Variants in TMC1 observed in about 807,000 individuals in gnomAD.
The protein encoded by TMC1 is transmembrane channel like 1.
TMC1 carries 84 observed loss-of-function variants against 105.8 expected under a neutral mutation model. The ratio of observed to expected loss-of-function variants is 0.79; its 90% confidence interval spans 0.67 to 0.95. TMC1 has a LOEUF of 0.95. Ranked by LOEUF, TMC1 falls within the 40% of genes least tolerant of loss-of-function variation. TMC1 has a pLI of 0.00. For missense variants in TMC1, 817 were observed against 914.1 expected, an observed-to-expected ratio of 0.89 and a Z score of 1.37; for synonymous variants, 315 against 311.5, an observed-to-expected ratio of 1.01 and a Z score of -0.12.
At chr9:72,738,062 A>G (rs771616044) in intron 8 of TMC1, among the ~76,000 whole-genome samples, 28 of 152,338 alleles carry the variant, frequency 1.8e-4, no homozygotes, top group Non-Finnish European at 3.2e-4. Context: ...ATCTACCCCA[A>G]ACTATGTCAA....
At position 72,659,613 on chromosome 9, in the gene TMC1, A is replaced by C. The variant is rs563759734; in HGVS notation, c.16+10949A>C. Among the ~76,000 whole-genome samples the C allele has an allele frequency of 2.0e-5, 3 of 152,328 alleles. No individual in the cohort carries two copies. In the South Asian group the frequency reaches 6.2e-4, roughly 32 times the overall value. On this transcript the variant is annotated intron_variant, in intron 5 of 23. Coordinates refer to ENST00000297784, the MANE Select transcript of TMC1 (RefSeq NM_138691.3). ...TGCACCACTGCACTCCCGCCTGGGC[A>C]ACAGAGCAAGACCCTGTGTGACCTT...
chr9:72,822,213 G>C (rs1828885972), intron 20 of TMC1, among the ~76,000 whole-genome samples: 1 of 152,132 alleles, frequency 6.6e-6, no homozygotes, highest in Non-Finnish European at 1.5e-5. Context: ...GCATGCACTT[G>C]AGCTGTTTCT....
In TMC1 at chr9:72,544,700, G is replaced by A. The variant is rs190092393; in HGVS notation, c.-428+22787G>A. Among the ~76,000 whole-genome samples the A allele has an allele frequency of 1.9e-3, 284 of 150,894 alleles. 2 individuals are homozygous for A. The highest frequency in any genetic ancestry group is 6.6e-3 in the African/African-American group (272 of 41,116). On this transcript the variant is annotated intron_variant, in intron 1 of 23. Coordinates refer to ENST00000297784, the MANE Select transcript of TMC1 (RefSeq NM_138691.3). Reference sequence around the variant, plus strand: ...TTGCCGTGTTGGCCAGGCTGATCTTGAACTCCTGACCTCAGGTGATCCTCC... The same window carrying A: ...TTGCCGTGTTGGCCAGGCTGATCTTAAACTCCTGACCTCAGGTGATCCTCC...
At chr9:72,625,962 T>C (rs1396105130) in intron 3 of TMC1, among the ~76,000 whole-genome samples, 1 of 152,162 alleles carries the variant, frequency 6.6e-6, no homozygotes, top group Non-Finnish European at 1.5e-5. Flanking sequence ...GTTCTGGATA[T>C]GAGAGGCTGA....
chr9:72,827,125 T>G, intron 21 of TMC1, 131 bp downstream of exon 21: 1 of 1,224,124 alleles, frequency 8.2e-7, no homozygotes, highest in Non-Finnish European at 1.2e-6. Context: ...CAACACTGAT[T>G]ACATGGTGGT....
At chr9:72,747,811 G>T (rs1827515832) in intron 10 of TMC1, among the ~76,000 whole-genome samples, 1 of 152,132 alleles carries the variant, frequency 6.6e-6, no homozygotes. Context: ...GACCAGGCAG[G>T]TCTTGAACTC....
At chr9:72,705,586 T>C (rs1396292381) in intron 8 of TMC1, among the ~76,000 whole-genome samples, 1 of 152,156 alleles carries the variant, frequency 6.6e-6, no homozygotes, top group Non-Finnish European at 1.5e-5. Context: ...TACTTCCATA[T>C]AAAGCATTGA....
intron 5 of TMC1, among the ~76,000 whole-genome samples, chr9:72,672,497 C>T (rs1336902645): frequency 1.3e-5 from 2 of 151,614 alleles, no homozygotes; most frequent in Non-Finnish European, 2.9e-5. Context: ...AATAAAATAC[C>T]CATATCCAAC....
chr9:72,819,556 G>A (rs532293070), intron 19 of TMC1, among the ~76,000 whole-genome samples: 25 of 152,252 alleles, frequency 1.6e-4, no homozygotes, highest in Admixed American at 9.2e-4. Flanking sequence ...ATTCATTATG[G>A]TAAAATATCA....
chr9:72,534,097 C>T (rs1008800459), intron 1 of TMC1, among the ~76,000 whole-genome samples: 1 of 152,118 alleles, frequency 6.6e-6, no homozygotes, highest in Non-Finnish European at 1.5e-5. Context: ...TGTGTCACTG[C>T]ACTCCAGCCT....
At chr9:72,534,271 A>G (rs547260744) in intron 1 of TMC1, among the ~76,000 whole-genome samples, 18 of 152,270 alleles carry the variant, frequency 1.2e-4, no homozygotes, top group African/African-American at 3.8e-4. Context: ...CTCAATTCCT[A>G]GGTCTGATGC....
intron 6 of TMC1, among the ~76,000 whole-genome samples, chr9:72,691,937 C>T (rs1189346135): frequency 1.3e-5 from 2 of 152,066 alleles, no homozygotes; most frequent in African/African-American, 4.8e-5. Flanking sequence ...TGGCCCTGGG[C>T]CATTTAGAAT....
At chr9:72,822,702 GC>G (rs1289025869) in intron 20 of TMC1, among the ~76,000 whole-genome samples, 2 of 152,264 alleles carry the variant, frequency 1.3e-5, no homozygotes, top group African/African-American at 4.8e-5. Flanking sequence ...CCATTCAAAG[GC>G]TTTAGTTAAT....
At chr9:72,532,634 G>A (rs573935623) in intron 1 of TMC1, among the ~76,000 whole-genome samples, 2 of 149,642 alleles carry the variant, frequency 1.3e-5, no homozygotes, top group South Asian at 2.1e-4. Flanking sequence ...TGATCATGAC[G>A]CTGTGGAAGA....
intron 9 of TMC1, 27 bp from the exon 10 acceptor site, chr9:72,742,417 T>A: frequency 6.3e-7 from 1 of 1,596,532 alleles, no homozygotes; most frequent in East Asian, 2.2e-5. Flanking sequence ...GGTTGGACTT[T>A]ACTTTTGTAT....
intron 5 of TMC1, among the ~76,000 whole-genome samples, chr9:72,649,109 A>G (rs897197102): frequency 4.6e-5 from 7 of 152,210 alleles, no homozygotes; most frequent in Non-Finnish European, 8.8e-5. Context: ...GGAAGCAGGT[A>G]AAGTCAGGGA....
chr9:72,557,055 G>T (rs1182230311), intron 1 of TMC1, among the ~76,000 whole-genome samples: 1 of 152,014 alleles, frequency 6.6e-6, no homozygotes, highest in Non-Finnish European at 1.5e-5. Context: ...ATTGTTTTTT[G>T]AGGTTGAGAA....
At chr9:72,826,717 C>T in intron 20 of TMC1, 152 bp from the exon 21 acceptor site, 1 of 779,516 alleles carries the variant, frequency 1.3e-6, no homozygotes. Context: ...TACATGAGGT[C>T]AAAGTGTCAG....
intron 15 of TMC1, among the ~76,000 whole-genome samples, chr9:72,789,744 C>A (rs1828233667): frequency 6.6e-6 from 1 of 152,156 alleles, no homozygotes; most frequent in Non-Finnish European, 1.5e-5. Flanking sequence ...CAAATTGTTG[C>A]CTGAACTTTT....
Sources: allele counts gnomAD v4.1 joint callset (sites outside exome capture counted in the v4.1 genomes callset), GRCh38; gene constraint gnomAD v4.1.1; transcripts MANE v1.5; gene names NCBI Gene and HGNC (gene_info 2026-07-23, HGNC 2026-07-21).